The following TSHZ2 variants were observed in gnomAD, a reference collection of about 807,000 sequenced individuals.
The protein encoded by TSHZ2 is teashirt homolog 2.
TSHZ2 carries 21 observed loss-of-function variants against 74.4 expected under a neutral mutation model. The observed-to-expected ratio is 0.28, with a 90% CI of 0.20 to 0.41. The LOEUF is 0.41. Ranked by LOEUF, TSHZ2 falls within the 10% of genes least tolerant of loss-of-function variation. The pLI is 1.00. For synonymous variants in TSHZ2, 540 were observed against 515.3 expected, an observed-to-expected ratio of 1.05 and a Z score of -0.65; for missense variants, 1,244 against 1,293.5, an observed-to-expected ratio of 0.96 and a Z score of 0.59.
intron 1 of TSHZ2, among the ~76,000 whole-genome samples, chr20:53,201,016 ATT>A (rs199964279): frequency 8.7e-5 from 13 of 149,410 alleles, no homozygotes; most frequent in South Asian, 6.3e-4. Flanking sequence ...TTTTCCATTA[ATT>A]TTTTTTTTTA....
chr20:52,982,170 T>A (rs1382870827), intron 1 of TSHZ2, among the ~76,000 whole-genome samples: 1 of 152,222 alleles, frequency 6.6e-6, no homozygotes, highest in African/African-American at 2.4e-5. Context: ...CTTTCAAGTA[T>A]AATCCCTGTT....
chr20:53,019,907 T>A (rs2123029173), intron 1 of TSHZ2, among the ~76,000 whole-genome samples: 1 of 152,296 alleles, frequency 6.6e-6, no homozygotes, highest in South Asian at 2.1e-4. Flanking sequence ...TACCTGAGAC[T>A]GGGTAATTTA....
chr20:53,462,211 G>A (rs1600660330), intron 2 of TSHZ2, among the ~76,000 whole-genome samples: 1 of 152,278 alleles, frequency 6.6e-6, no homozygotes, highest in East Asian at 1.9e-4. Flanking sequence ...CCAAGACTGT[G>A]CCATTGTACT....
intron 1 of TSHZ2, among the ~76,000 whole-genome samples, chr20:53,051,210 G>A (rs774872865): frequency 6.6e-6 from 1 of 152,036 alleles, no homozygotes; most frequent in East Asian, 1.9e-4. Flanking sequence ...GTGGTGGCTG[G>A]CGCCTGTAAT....
intron 1 of TSHZ2, among the ~76,000 whole-genome samples, chr20:53,000,426 G>C (rs1178729384): frequency 6.6e-6 from 1 of 152,136 alleles, no homozygotes; most frequent in Non-Finnish European, 1.5e-5. Context: ...GTTTTAGGTG[G>C]TAGAAGCATG....
At chr20:52,979,801 A>T (rs1875829207) in intron 1 of TSHZ2, among the ~76,000 whole-genome samples, 1 of 152,354 alleles carries the variant, frequency 6.6e-6, no homozygotes, top group East Asian at 1.9e-4. Context: ...GCACAGCAAG[A>T]TAATCCGATT....
chr20:53,252,945 G>A (rs750809869), intron 1 of TSHZ2, among the ~76,000 whole-genome samples: 2 of 152,142 alleles, frequency 1.3e-5, no homozygotes, highest in Non-Finnish European at 2.9e-5. Context: ...AAATAAAAAT[G>A]TTATAGCAAA....
chr20:53,057,159 C>A (rs938811059), intron 1 of TSHZ2, among the ~76,000 whole-genome samples: 1 of 152,208 alleles, frequency 6.6e-6, no homozygotes, highest in East Asian at 1.9e-4. Context: ...TGGGGCCTCC[C>A]CAGCCATGTG....
At chr20:53,368,293 TTTTGTTTG>T (rs570957059) in intron 2 of TSHZ2, among the ~76,000 whole-genome samples, 5 of 151,352 alleles carry the variant, frequency 3.3e-5, no homozygotes, top group African/African-American at 7.3e-5. Context: ...GATGGTAATT[TTTTGTTTG>T]TTTGTTTGTT....
chr20:53,084,235 A>AT (rs1478971790), intron 1 of TSHZ2, among the ~76,000 whole-genome samples: 1 of 152,222 alleles, frequency 6.6e-6, no homozygotes, highest in African/African-American at 2.4e-5. Context: ...AAGTGTTTAT[A>AT]TATCGGTTAA....
At chr20:53,482,869 A>G (rs1352520147) in intron 2 of TSHZ2, among the ~76,000 whole-genome samples, 1 of 152,074 alleles carries the variant, frequency 6.6e-6, no homozygotes, top group Non-Finnish European at 1.5e-5. Context: ...TCAAGCCACT[A>G]TACTCAAGCC....
intron 1 of TSHZ2, among the ~76,000 whole-genome samples, chr20:53,179,774 T>A (rs1988427408): frequency 6.6e-6 from 1 of 152,170 alleles, no homozygotes; most frequent in Non-Finnish European, 1.5e-5. Context: ...TTTATAAAAT[T>A]TAAGTTCAAA....
intron 1 of TSHZ2, among the ~76,000 whole-genome samples, chr20:53,233,109 CT>C (rs1018024151): frequency 2.0e-5 from 3 of 152,324 alleles, no homozygotes; most frequent in African/African-American, 7.2e-5. Flanking sequence ...CAACTGCCCC[CT>C]GGCAGCCATT....
intron 2 of TSHZ2, among the ~76,000 whole-genome samples, chr20:53,287,142 G>A (rs938553684): frequency 2.0e-4 from 31 of 152,272 alleles, no homozygotes; most frequent in African/African-American, 6.7e-4. Context: ...TCTTTATATT[G>A]TGAATAAGTA....
At chr20:53,142,409 T>C (rs528184535) in intron 1 of TSHZ2, among the ~76,000 whole-genome samples, 16 of 152,324 alleles carry the variant, frequency 1.1e-4, no homozygotes, top group Admixed American at 4.6e-4. Flanking sequence ...TTAAGTCTCA[T>C]TGGTCCCACC....
chr20:53,062,599 T>G (rs993365308), intron 1 of TSHZ2, among the ~76,000 whole-genome samples: 1 of 152,192 alleles, frequency 6.6e-6, no homozygotes, highest in African/African-American at 2.4e-5. Flanking sequence ...TTCACAGAAT[T>G]GAAGAGAGTT....
At chr20:53,034,070 G>A (rs992489279) in intron 1 of TSHZ2, among the ~76,000 whole-genome samples, 5 of 152,098 alleles carry the variant, frequency 3.3e-5, no homozygotes, top group Admixed American at 6.5e-5. Flanking sequence ...AATACTTCTC[G>A]AATGAATCAA....
chr20:53,302,239 G>A (rs1978340801), intron 2 of TSHZ2, among the ~76,000 whole-genome samples: 1 of 152,090 alleles, frequency 6.6e-6, no homozygotes, highest in Admixed American at 6.6e-5. Context: ...AGAGTACATG[G>A]GGGTGTCCTA....
At chr20:53,454,964 CTT>C (rs1178818596) in intron 2 of TSHZ2, among the ~76,000 whole-genome samples, 2 of 152,186 alleles carry the variant, frequency 1.3e-5, no homozygotes, top group African/African-American at 4.8e-5. Flanking sequence ...ACCAAATTCT[CTT>C]TCTTACCACT....
Sources: allele counts gnomAD v4.1 joint callset (sites outside exome capture counted in the v4.1 genomes callset), GRCh38; gene constraint gnomAD v4.1.1; transcripts MANE v1.5; gene names NCBI Gene and HGNC (gene_info 2026-07-23, HGNC 2026-07-21).